CHAT: variants seen among roughly 807,000 people sequenced by gnomAD.
CHAT encodes the protein choline O-acetyltransferase.
A neutral mutation model predicts 76.9 loss-of-function variants in CHAT; 61 were observed. That is an observed-to-expected ratio of 0.79 (90% CI 0.65 to 0.98). The LOEUF (loss-of-function observed/expected upper bound fraction) is 0.98, where lower values mean the gene tolerates loss of function less well. CHAT is among the 50% of genes least tolerant of loss of function. The pLI, the probability that CHAT is intolerant of heterozygous loss-of-function variation, is 0.00. For synonymous variants in CHAT, 407 were observed against 397.4 expected (o/e 1.02, Z -0.29); for missense variants, 946 against 986.9 (o/e 0.96, Z 0.56).
chr10:49,648,225 G>T (rs1839744581), intron 8 of CHAT, among the ~76,000 whole-genome samples: 1 of 152,210 alleles, frequency 6.6e-6, no homozygotes, highest in Non-Finnish European at 1.5e-5. Flanking sequence ...TCCTGAGGAT[G>T]AACTCCTCAG....
chr10:49,611,786 C>A, upstream of CHAT: 1 of 1,602,910 alleles, frequency 6.2e-7, no homozygotes, highest in South Asian at 1.1e-5. Flanking sequence ...GTGCGCCTGG[C>A]GGCGCGCTAC....
At chr10:49,659,784 C>T (rs1178057711) in intron 13 of CHAT, among the ~76,000 whole-genome samples, 1 of 152,008 alleles carries the variant, frequency 6.6e-6, no homozygotes, top group Non-Finnish European at 1.5e-5. Flanking sequence ...ATCACATGAA[C>T]CCAGGGGGTG....
chr10:49,648,138 A>G, intron 8 of CHAT: 1 of 342,102 alleles, frequency 2.9e-6, no homozygotes, highest in South Asian at 3.0e-5. Context: ...GATTGGGAGG[A>G]GACCCCGATG....
At chr10:49,654,276 C>T (rs1839966768) in intron 11 of CHAT, among the ~76,000 whole-genome samples, 1 of 152,232 alleles carries the variant, frequency 6.6e-6, no homozygotes, top group South Asian at 2.1e-4. Flanking sequence ...ACATGGCCTT[C>T]CCAAACCTCC....
At chr10:49,622,418 T>G (rs1838763159) in intron 5 of CHAT, among the ~76,000 whole-genome samples, 1 of 152,036 alleles carries the variant, frequency 6.6e-6, no homozygotes, top group Non-Finnish European at 1.5e-5. Context: ...CGTGCACAGG[T>G]GGAGTGAATT....
In CHAT at chr10:49,667,453, C is replaced by G. The variant is rs190188827; in HGVS notation, c.*2407C>G. Among the ~76,000 whole-genome samples, 120 of 152,338 alleles carry G rather than the reference C, an allele frequency of 7.9e-4. No individual in the cohort carries two copies. The highest frequency in any genetic ancestry group is 1.5e-3 in the Non-Finnish European group (100 of 68,028). Reference sequence around the variant, plus strand: ...GATATCAAACTATGCACTGTGAGGGCTATGAGAAGCGCAAACAGTAAACGC... The same window carrying G: ...GATATCAAACTATGCACTGTGAGGGGTATGAGAAGCGCAAACAGTAAACGC... On this transcript the variant is annotated 3_prime_UTR_variant, in exon 15 of 15. Coordinates refer to ENST00000337653, the MANE Select transcript of CHAT (RefSeq NM_020549.5).
rs149174460 is a variant in CHAT, at chr10:49,654,151, A to G, written c.1635-944A>G. On this transcript the variant is annotated intron_variant, in intron 11 of 14. Coordinates refer to ENST00000337653, the MANE Select transcript of CHAT (RefSeq NM_020549.5). ...GTGATGGTGTTTGCCTCCAGGGACCATAGAGACAGGACAGGAGCTCCTTGC... is the reference window on the plus strand; with the variant it reads ...GTGATGGTGTTTGCCTCCAGGGACCGTAGAGACAGGACAGGAGCTCCTTGC... Among the ~76,000 whole-genome samples the G allele has an allele frequency of 6.4e-3, 979 of 152,342 alleles. 3 individuals carry two copies. Among genetic ancestry groups the G allele is most frequent in the Admixed American group, 0.01 (154 of 15,308 alleles).
At position 49,666,237 on chromosome 10, in the gene CHAT, CCCAGCCCCAGCTCCAGCT is replaced by C. The variant is rs568907376; in HGVS notation, c.*1233_*1250del. Reference sequence around the variant, plus strand: ...AGCCTCCTCCAGAGTCAGCCCCAGCCCCAGCCCCAGCTCCAGCTCCAGCCCCAGCTCCAGCTCCAGCCC... The same window carrying C: ...AGCCTCCTCCAGAGTCAGCCCCAGCCCCAGCCCCAGCTCCAGCTCCAGCCC... On this transcript the variant is annotated 3_prime_UTR_variant, in exon 15 of 15. Coordinates refer to ENST00000337653, the MANE Select transcript of CHAT (RefSeq NM_020549.5). Among the ~76,000 whole-genome samples, 1,162 of 151,936 alleles carry C rather than the reference CCCAGCCCCAGCTCCAGCT, an allele frequency of 7.6e-3. 19 individuals carry two copies. The highest frequency in any genetic ancestry group is 0.026 in the African/African-American group (1,079 of 41,394).
chr10:49,614,215 G>A lies in CHAT; in HGVS notation c.26G>A (p.Arg9Lys), dbSNP rs1056302745. Residue 9 changes from arginine (R) to lysine (K), a missense_variant, in exon 1 of 15, where the codon AGG becomes AAG. Coordinates refer to ENST00000337653, the MANE Select transcript of CHAT (RefSeq NM_020549.5). MGLRTAKK[R>K]GLGGGGKWKR... is the part of the protein sequence containing the mutation. Reference sequence around the variant, plus strand: ...ATGGGGCTGAGGACAGCGAAGAAGAGGGGGCTTGGGGGAGGGGGGAAATGG... The same window carrying A: ...ATGGGGCTGAGGACAGCGAAGAAGAAGGGGCTTGGGGGAGGGGGGAAATGG... The A allele has an allele frequency of 2.2e-5, 33 of 1,528,938 alleles. No individual in the cohort carries two copies. Among genetic ancestry groups the A allele is most frequent in the Middle Eastern group, 2.2e-4 (1 of 4,578 alleles). The allele number at this position is 1,528,938 out of a possible 1,614,324, so 94.7% of individuals were successfully genotyped here. A position where few individuals can be genotyped will look rare whatever the true frequency, so the allele number is the denominator to read the frequency against.
At chr10:49,626,438 G>T (rs1478566466) in intron 6 of CHAT, among the ~76,000 whole-genome samples, 1 of 152,142 alleles carries the variant, frequency 6.6e-6, no homozygotes, top group African/African-American at 2.4e-5. Context: ...GGACTCCCCT[G>T]GTACTTGCTC....
chr10:49,616,234 T>C, intron 1 of CHAT: 1 of 865,560 alleles, frequency 1.2e-6, no homozygotes, highest in Non-Finnish European at 2.0e-6. Context: ...GGTGGTCAGC[T>C]GGCCTTGGGT....
chr10:49,611,371 A>T (rs1173821691), upstream of CHAT: 1 of 1,599,852 alleles, frequency 6.3e-7, no homozygotes, highest in African/African-American at 1.3e-5. Context: ...GCCGGAGCGC[A>T]GTCGTGCACT....
chr10:49,647,563 G>C (rs1434464303), intron 8 of CHAT, among the ~76,000 whole-genome samples: 1 of 152,082 alleles, frequency 6.6e-6, no homozygotes, highest in African/African-American at 2.4e-5. Context: ...CTTTTTATTG[G>C]TTTGCATATT....
At chr10:49,652,478 C>T (rs1839911479) in intron 11 of CHAT, among the ~76,000 whole-genome samples, 1 of 152,162 alleles carries the variant, frequency 6.6e-6, no homozygotes, top group South Asian at 2.1e-4. Context: ...CGTATCCCCG[C>T]ACACTGCCAT....
At chr10:49,609,647 T>A (rs1463796831), upstream of CHAT, among the ~76,000 whole-genome samples, 4 of 152,016 alleles carry the variant, frequency 2.6e-5, no homozygotes, top group South Asian at 8.3e-4. Context: ...CCGGCCGCGA[T>A]TCGCGGCCGA....
chr10:49,662,014 T>C (rs1327405377), intron 13 of CHAT, among the ~76,000 whole-genome samples: 1 of 152,248 alleles, frequency 6.6e-6, no homozygotes, highest in Non-Finnish European at 1.5e-5. Flanking sequence ...AGGGGTCTAG[T>C]TCCTGTCTCA....
chr10:49,662,580 G>T, intron 13 of CHAT, 65 bp from the exon 14 acceptor site: 1 of 1,601,070 alleles, frequency 6.2e-7, no homozygotes, highest in South Asian at 1.1e-5. Flanking sequence ...AGACTACAGA[G>T]CAGGGAACAA....
In CHAT at chr10:49,619,875, C is replaced by G. The variant is rs1484558011; in HGVS notation, c.538C>G (p.Gln180Glu). 1 of 1,613,342 alleles carries G rather than the reference C, an allele frequency of 6.2e-7. No individual in the cohort carries two copies. The highest frequency in any genetic ancestry group is 8.5e-7 in the Non-Finnish European group (1 of 1,179,812). Residue 180 changes from glutamine (Q) to glutamate (E), a missense_variant, in exon 3 of 15, where the codon CAG becomes GAG. By Grantham distance (29) the Gln-to-Glu change is conservative. Coordinates refer to ENST00000337653, the MANE Select transcript of CHAT (RefSeq NM_020549.5). ...GAPGGLGETL[Q>E]QKLLERQEKT... ...CCCTGGTGGCCTCGGCGAGACCCTG[C>G]AGCAGAAACTCCTGGAGCGGCAGGA...
chr10:49,618,290 T>C (rs946464887), intron 2 of CHAT, among the ~76,000 whole-genome samples: 1 of 152,202 alleles, frequency 6.6e-6, no homozygotes, highest in Non-Finnish European at 1.5e-5. Flanking sequence ...GAGACAACAA[T>C]ATCAATAACA....
Sources: allele counts gnomAD v4.1 joint callset (sites outside exome capture counted in the v4.1 genomes callset), GRCh38; gene constraint gnomAD v4.1.1; transcripts MANE v1.5; gene names NCBI Gene and HGNC (gene_info 2026-07-23, HGNC 2026-07-21).